Variants in SEMA3E observed in about 807,000 individuals in gnomAD.
SEMA3E encodes semaphorin-3E.
SEMA3E carries 49 observed loss-of-function variants against 93.6 expected under a neutral mutation model. The observed-to-expected ratio is 0.52, with a 90% CI of 0.42 to 0.66. SEMA3E has a LOEUF of 0.66. Among genes scored for constraint, SEMA3E ranks in the 30% least tolerant of loss-of-function variants. The probability of loss-of-function intolerance (pLI) is 0.00; values close to 1 mark genes in which losing one functional copy is unlikely to be tolerated. For missense variants in SEMA3E, 906 were observed against 964.8 expected, an observed-to-expected ratio of 0.94 and a Z score of 0.81; for synonymous variants, 363 against 330.7, an observed-to-expected ratio of 1.10 and a Z score of -1.06.
At position 83,366,605 on chromosome 7, in the gene SEMA3E, T is replaced by C. The variant is rs2116890198; in HGVS notation, c.*981A>G. On this transcript the variant is annotated 3_prime_UTR_variant, in exon 17 of 17. Coordinates refer to ENST00000643230, the MANE Select transcript of SEMA3E (RefSeq NM_012431.3). ...GATTTTCAGTGCTGCAAAATCTTCA[T>C]TTTTGACTTGTGAGATAAATTATCT... The C allele has an allele frequency of 6.6e-6, 1 of 152,250 alleles. No homozygotes were observed. The highest frequency in any genetic ancestry group is 1.9e-4 in the East Asian group (1 of 5,188). 9.4% of individuals were successfully genotyped at this position (152,250 alleles called of 1,614,324 possible).
At chr7:83,444,854 A>G (rs1248077165) in intron 4 of SEMA3E, among the ~76,000 whole-genome samples, 1 of 152,056 alleles carries the variant, frequency 6.6e-6, no homozygotes, top group Non-Finnish European at 1.5e-5. Context: ...TATTTTTAGT[A>G]GAGATGGGAT....
At chr7:83,513,115 GTTCT>G (rs780937204) in intron 1 of SEMA3E, among the ~76,000 whole-genome samples, 2 of 152,136 alleles carry the variant, frequency 1.3e-5, no homozygotes, top group Non-Finnish European at 2.9e-5. Flanking sequence ...GGTTGTTCCA[GTTCT>G]TTGTTTTTGG....
At chr7:83,614,759 C>A (rs1793330230) in intron 1 of SEMA3E, among the ~76,000 whole-genome samples, 1 of 152,092 alleles carries the variant, frequency 6.6e-6, no homozygotes, top group African/African-American at 2.4e-5. Flanking sequence ...CACTCTCAGT[C>A]TCAAAGCTCA....
chr7:83,453,683 T>C (rs1197207293), intron 4 of SEMA3E, among the ~76,000 whole-genome samples: 2 of 152,152 alleles, frequency 1.3e-5, no homozygotes, highest in Non-Finnish European at 2.9e-5. Context: ...AAAACATTTC[T>C]ATATATTATT....
chr7:83,458,337 T>C (rs900971634), intron 4 of SEMA3E, among the ~76,000 whole-genome samples: 1 of 151,404 alleles, frequency 6.6e-6, no homozygotes, highest in Non-Finnish European at 1.5e-5. Context: ...AAACTATATA[T>C]ATGTATATAT....
chr7:83,442,335 G>A (rs1584251578), intron 4 of SEMA3E, among the ~76,000 whole-genome samples: 1 of 152,118 alleles, frequency 6.6e-6, no homozygotes. Context: ...TTAGCCCCAA[G>A]GTTTGCTGAT....
At chr7:83,449,067 T>G (rs1407960170) in intron 4 of SEMA3E, among the ~76,000 whole-genome samples, 2 of 151,244 alleles carry the variant, frequency 1.3e-5, no homozygotes, top group African/African-American at 4.8e-5. Flanking sequence ...TACAATTAAA[T>G]TTTAAGTTTT....
chr7:83,474,927 AATT>A (rs1307169788), intron 2 of SEMA3E, among the ~76,000 whole-genome samples: 2 of 151,960 alleles, frequency 1.3e-5, no homozygotes, highest in Non-Finnish European at 2.9e-5. Context: ...TGGATGTATA[AATT>A]ATTCAAATGT....
chr7:83,593,972 T>C (rs1421914446), intron 1 of SEMA3E, among the ~76,000 whole-genome samples: 2 of 152,174 alleles, frequency 1.3e-5, no homozygotes, highest in African/African-American at 4.8e-5. Context: ...ACCAGACATA[T>C]AAAAATATTT....
In SEMA3E at chr7:83,406,870, C is replaced by A. The variant is rs188769279; in HGVS notation, c.813+227G>T. ...AGGACAGTCTAATCATAGACGATTT[C>A]TTCTTGGTATAGCTTCAAAAATGGG... is the stretch of plus-strand genomic sequence containing the variant. On this transcript the variant is annotated intron_variant, in intron 7 of 16. Transcript: ENST00000643230. 3.9e-5 allele frequency among the ~76,000 whole-genome samples: 6 copies of A among 152,194 alleles called. No homozygotes were observed. In the East Asian group the frequency reaches 1.2e-3, roughly 29 times the overall value.
chr7:83,406,991 TA>T, intron 7 of SEMA3E, 105 bp downstream of exon 7: 2 of 1,366,914 alleles, frequency 1.5e-6, no homozygotes, highest in Non-Finnish European at 2.1e-6. Flanking sequence ...GTAGGCAGTC[TA>T]AAGAATACTA....
At chr7:83,449,191 C>T (rs1202575096) in intron 4 of SEMA3E, among the ~76,000 whole-genome samples, 1 of 151,856 alleles carries the variant, frequency 6.6e-6, no homozygotes, top group Non-Finnish European at 1.5e-5. Context: ...CCTCCACCTC[C>T]TGGGCTCAAG....
At chr7:83,573,851 A>G (rs1308335723) in intron 1 of SEMA3E, among the ~76,000 whole-genome samples, 1 of 151,918 alleles carries the variant, frequency 6.6e-6, no homozygotes, top group African/African-American at 2.4e-5. Context: ...AAAATATTTA[A>G]TTCTTTATAA....
intron 1 of SEMA3E, among the ~76,000 whole-genome samples, chr7:83,542,823 T>G (rs576192539): frequency 6.6e-6 from 1 of 152,300 alleles, no homozygotes; most frequent in African/African-American, 2.4e-5. Flanking sequence ...CATGATAAAT[T>G]TCTGCCTCTA....
At position 83,444,664 on chromosome 7, in the gene SEMA3E, A is replaced by C. The variant is rs1477757716; in HGVS notation, c.456+21818T>G. On this transcript the variant is annotated intron_variant, in intron 4 of 16. Coordinates refer to ENST00000643230, the MANE Select transcript of SEMA3E (RefSeq NM_012431.3). ...ACATTTAAAAGGCTAGGAAGGCAGAATATTCAGCATTTTTTTTTTTTTTTG... is the reference window on the plus strand; with the variant it reads ...ACATTTAAAAGGCTAGGAAGGCAGACTATTCAGCATTTTTTTTTTTTTTTG... 2.1e-5 allele frequency among the ~76,000 whole-genome samples: 3 copies of C among 140,068 alleles called. No homozygotes were observed. In the Admixed American group the frequency reaches 2.5e-4, roughly 12 times the overall value. 91.9% of individuals were successfully genotyped at this position (140,068 alleles called of 152,430 possible).
intron 16 of SEMA3E, among the ~76,000 whole-genome samples, chr7:83,379,817 G>A (rs1187583860): frequency 6.6e-6 from 1 of 151,656 alleles, no homozygotes; most frequent in Non-Finnish European, 1.5e-5. Flanking sequence ...CTCCTTCATG[G>A]GACTGTTGCA....
At chr7:83,614,734 A>T (rs573648121) in intron 1 of SEMA3E, among the ~76,000 whole-genome samples, 2 of 152,230 alleles carry the variant, frequency 1.3e-5, no homozygotes, top group South Asian at 4.1e-4. Context: ...CAGGAAAAGA[A>T]AATGTGACAA....
In SEMA3E at chr7:83,364,053, C is replaced by G. The variant is rs1196209471; in HGVS notation, c.*3533G>C. The G allele has an allele frequency of 4.0e-5, 6 of 150,760 alleles. No homozygotes were observed. The highest frequency in any genetic ancestry group is 7.4e-5 in the Non-Finnish European group (5 of 67,730). 9.3% of individuals were successfully genotyped at this position (150,760 alleles called of 1,614,324 possible). A position where few individuals can be genotyped will look rare whatever the true frequency, so the allele number is the denominator to read the frequency against. Reference sequence around the variant, plus strand: ...GGGACTACAGGCGCCCGCCACCGCGCCCGGCTAATTTTTTGTATTTTTAGT... The same window carrying G: ...GGGACTACAGGCGCCCGCCACCGCGGCCGGCTAATTTTTTGTATTTTTAGT... On this transcript the variant is annotated 3_prime_UTR_variant, in exon 17 of 17. Coordinates refer to ENST00000643230, the MANE Select transcript of SEMA3E (RefSeq NM_012431.3).
At chr7:83,619,869 G>GAGAT (rs372911111) in intron 1 of SEMA3E, among the ~76,000 whole-genome samples, 3 of 149,350 alleles carry the variant, frequency 2.0e-5, no homozygotes, top group East Asian at 3.9e-4. Context: ...CCTGTGGACA[G>GAGAT]AGATAGATAG....
Sources: gnomAD v4.1 joint callset for allele counts (sites outside exome capture counted in the v4.1 genomes callset) on GRCh38, gnomAD v4.1.1 for gene constraint, MANE v1.5 for transcripts, NCBI Gene and HGNC (gene_info 2026-07-23, HGNC 2026-07-21) for gene names.